CNTNAP2: variants seen among roughly 807,000 people sequenced by gnomAD.
CNTNAP2 encodes the protein contactin associated protein 2.
Under a neutral mutation model 155.2 loss-of-function variants are expected in CNTNAP2, and 98 were observed. The ratio of observed to expected loss-of-function variants is 0.63; its 90% confidence interval spans 0.54 to 0.75. The LOEUF is 0.75. Among genes scored for constraint, CNTNAP2 ranks in the 30% least tolerant of loss-of-function variants. The pLI is 0.00. For synonymous variants in CNTNAP2, 651 were observed against 631.2 expected (o/e 1.03, Z -0.47); for missense variants, 1,727 against 1,688.1 (o/e 1.02, Z -0.40).
chr7:148,190,410 G>A (rs2116716340), intron 18 of CNTNAP2: 1 of 152,304 alleles, frequency 6.6e-6, no homozygotes, highest in South Asian at 2.1e-4. Context: ...CAATCTGTTA[G>A]GTAGCAATAA....
intron 14 of CNTNAP2, among the ~76,000 whole-genome samples, chr7:147,933,541 ATAT>A (rs764066089): frequency 0.036 from 3,701 of 101,500 alleles, 66 homozygotes; most frequent in East Asian, 0.18. Context: ...AGATAGATAG[ATAT>A]AACAGAATAT....
At chr7:147,568,048 T>C (rs1800209727) in intron 12 of CNTNAP2, among the ~76,000 whole-genome samples, 1 of 152,190 alleles carries the variant, frequency 6.6e-6, no homozygotes, top group African/African-American at 2.4e-5. Flanking sequence ...ATTGTGCCAC[T>C]GCACTGCAGC....
chr7:146,922,742 A>T (rs1339416033), intron 3 of CNTNAP2, among the ~76,000 whole-genome samples: 4 of 152,134 alleles, frequency 2.6e-5, no homozygotes, highest in African/African-American at 9.7e-5. Flanking sequence ...TAATAATAAA[A>T]CTATAGGGTT....
At chr7:146,837,760 G>A (rs965281662) in intron 2 of CNTNAP2, among the ~76,000 whole-genome samples, 1 of 152,066 alleles carries the variant, frequency 6.6e-6, no homozygotes, top group African/African-American at 2.4e-5. Flanking sequence ...CCTTTGCTCA[G>A]GTGTGTCCAG....
intron 15 of CNTNAP2, among the ~76,000 whole-genome samples, chr7:148,025,043 C>T: frequency 6.6e-6 from 1 of 152,186 alleles, no homozygotes; most frequent in South Asian, 2.1e-4. Flanking sequence ...CCCCTCCTTG[C>T]TTAGGGACTG....
intron 14 of CNTNAP2, among the ~76,000 whole-genome samples, chr7:147,973,160 T>TAAAAAAAAAAA (rs35756000): frequency 0.015 from 1,776 of 120,510 alleles, 50 homozygotes; most frequent in South Asian, 0.054. Flanking sequence ...TCTCTAAAAT[T>TAAAAAAAAAAA]AAAAAAAAAA....
At chr7:146,434,369 G>T (rs1796212672) in intron 1 of CNTNAP2, among the ~76,000 whole-genome samples, 1 of 152,042 alleles carries the variant, frequency 6.6e-6, no homozygotes. Context: ...CAGATTTTAC[G>T]CCATTGTGAA....
intron 3 of CNTNAP2, among the ~76,000 whole-genome samples, chr7:146,947,555 GTGTATATATATATATATATACATA>G (rs1402017981): frequency 5.1e-5 from 2 of 39,418 alleles, no homozygotes; most frequent in African/African-American, 1.4e-4. Context: ...GTGTGTGTGT[GTGTATATATATATATATATACATA>G]TATATATATA....
chr7:146,926,514 T>C (rs1796612585), intron 3 of CNTNAP2, among the ~76,000 whole-genome samples: 1 of 152,116 alleles, frequency 6.6e-6, no homozygotes, highest in Admixed American at 6.6e-5. Context: ...CCTGACAAAT[T>C]ACAGATCCTC....
At chr7:147,686,195 A>C (rs1188718394) in intron 13 of CNTNAP2, among the ~76,000 whole-genome samples, 5 of 152,102 alleles carry the variant, frequency 3.3e-5, no homozygotes, top group Non-Finnish European at 7.4e-5. Context: ...TGAGAATCAG[A>C]CAGATTCTGG....
intron 8 of CNTNAP2, among the ~76,000 whole-genome samples, chr7:147,154,981 C>A (rs1379906112): frequency 1.3e-5 from 2 of 152,100 alleles, no homozygotes; most frequent in Admixed American, 6.6e-5. Flanking sequence ...AGAGAAATGG[C>A]TAAAAAGACA....
At chr7:146,128,864 C>T (rs1797675043) in intron 1 of CNTNAP2, among the ~76,000 whole-genome samples, 1 of 142,652 alleles carries the variant, frequency 7.0e-6, no homozygotes, top group Non-Finnish European at 1.5e-5. Flanking sequence ...TGTAAGTAAT[C>T]TTGGTATTAC....
chr7:148,091,959 T>G lies in CNTNAP2; in HGVS notation c.2384-26159T>G, dbSNP rs540093066. On this transcript the variant is annotated intron_variant, in intron 15 of 23. Transcript: ENST00000361727. ...TTCCAGAGACATGAAAATAAAGAAT[T>G]TATAGTTATCAGGAAGGAGGTAATT... Among the ~76,000 whole-genome samples, 34 of 152,240 alleles carry G rather than the reference T, an allele frequency of 2.2e-4. No homozygotes were observed. The South Asian group carries it at 6.8e-3, about 31-fold the overall frequency.
intron 2 of CNTNAP2, among the ~76,000 whole-genome samples, chr7:146,794,388 C>T (rs973261144): frequency 3.9e-5 from 6 of 152,126 alleles, no homozygotes; most frequent in African/African-American, 9.7e-5. Context: ...GATAGGAAGA[C>T]ATTATTTAAT....
intron 13 of CNTNAP2, among the ~76,000 whole-genome samples, chr7:147,851,337 A>G (rs199941062): frequency 3.9e-5 from 6 of 152,046 alleles, no homozygotes; most frequent in Admixed American, 6.6e-5. Flanking sequence ...CTGTAAACTA[A>G]TTCAACCATT....
chr7:147,907,032 G>C (rs1266491477), intron 14 of CNTNAP2, among the ~76,000 whole-genome samples: 1 of 152,016 alleles, frequency 6.6e-6, no homozygotes, highest in African/African-American at 2.4e-5. Flanking sequence ...AGGCACTATA[G>C]CTTGAGCAAA....
Position 148,383,635 on chromosome 7 carries a change from T to C in CNTNAP2, c.3476-14T>C. ...GTGAGTCAAGTAACATTTTCATTTC[T>C]TTTTTTCTTTTAGAAACAGGGAAAA... On this transcript the variant is annotated splice_polypyrimidine_tract_variant and intron_variant, in intron 21 of 23. Coordinates refer to ENST00000361727, the MANE Select transcript of CNTNAP2 (RefSeq NM_014141.6). 1 of 1,614,088 alleles carries C rather than the reference T, an allele frequency of 6.2e-7. No homozygotes were observed. The highest frequency in any genetic ancestry group is 1.1e-5 in the South Asian group (1 of 91,080).
intron 3 of CNTNAP2, among the ~76,000 whole-genome samples, chr7:146,960,514 A>G (rs1484242565): frequency 6.6e-6 from 1 of 152,166 alleles, no homozygotes; most frequent in Non-Finnish European, 1.5e-5. Context: ...ATGATGTGGC[A>G]TTCAGAAAAA....
intron 1 of CNTNAP2, among the ~76,000 whole-genome samples, chr7:146,691,760 T>C (rs140752730): frequency 0.014 from 2,161 of 152,240 alleles, 33 homozygotes; most frequent in Middle Eastern, 0.054. Context: ...CCCTTTTGCA[T>C]TCACTCTCAT....
Sources: gnomAD v4.1 joint callset for allele counts (sites outside exome capture counted in the v4.1 genomes callset) on GRCh38, gnomAD v4.1.1 for gene constraint, MANE v1.5 for transcripts, NCBI Gene and HGNC (gene_info 2026-07-23, HGNC 2026-07-21) for gene names.